LRIG1: variants seen among roughly 807,000 people sequenced by gnomAD.
LRIG1 encodes leucine rich repeats and immunoglobulin like domains 1, also known as leucine-rich repeats and immunoglobulin-like domains protein 1.
LRIG1 carries 48 observed loss-of-function variants against 99.2 expected under a neutral mutation model. The observed-to-expected ratio is 0.48, with a 90% confidence interval of 0.38 to 0.62. The LOEUF (loss-of-function observed/expected upper bound fraction) is 0.62, where lower values mean the gene tolerates loss of function less well. Ranked by LOEUF, LRIG1 falls within the 20% of genes least tolerant of loss-of-function variation. The pLI, the probability that LRIG1 is intolerant of heterozygous loss-of-function variation, is 0.00. For synonymous variants in LRIG1, 772 were observed against 596.1 expected, an observed-to-expected ratio of 1.29 and a Z score of -4.30; for missense variants, 1,646 against 1,434.4, an observed-to-expected ratio of 1.15 and a Z score of -2.38.
chr3:66,438,225 G>A (rs139045706), intron 3 of LRIG1, among the ~76,000 whole-genome samples: 8 of 152,206 alleles, frequency 5.3e-5, no homozygotes, highest in Middle Eastern at 6.8e-3. Context: ...CCCACTCCAC[G>A]CAGACTCTGC....
intron 5 of LRIG1, among the ~76,000 whole-genome samples, chr3:66,413,355 G>T (rs570122755): frequency 1.3e-5 from 2 of 152,356 alleles, no homozygotes; most frequent in South Asian, 4.1e-4. Context: ...CTGCAGTGAG[G>T]ACGTGGGTAT....
chr3:66,394,251 G>A, intron 11 of LRIG1, 48 bp from the exon 12 acceptor site: 1 of 1,490,070 alleles, frequency 6.7e-7, no homozygotes, highest in Non-Finnish European at 9.0e-7. Flanking sequence ...CGCAAAGGAG[G>A]GACACTCCCT....
rs114531550 is a variant in LRIG1, at chr3:66,409,549, G to T, written c.935+580C>A. On this transcript the variant is annotated intron_variant, in intron 7 of 18. Coordinates refer to ENST00000273261, the MANE Select transcript of LRIG1 (RefSeq NM_015541.3). Reference sequence around the variant, plus strand: ...ACATCTCTGAACTAAGCACGCACACGACTGCACAGGAGCCTCTGCCAGCAG... The same window carrying T: ...ACATCTCTGAACTAAGCACGCACACTACTGCACAGGAGCCTCTGCCAGCAG... Among the ~76,000 whole-genome samples, 8 of 152,340 alleles carry T rather than the reference G, an allele frequency of 5.3e-5. No homozygotes were observed. The East Asian group carries it at 1.4e-3, about 26-fold the overall frequency.
Position 66,493,026 on chromosome 3 carries a change from A to G in LRIG1, c.218+7164T>C, listed in dbSNP as rs951403933. ...TACTATGCAATTCCAAACAGACCAA[A>G]ACAAATGAAAAATGTTCTTTGCATA... is the stretch of plus-strand genomic sequence containing the variant. On this transcript the variant is annotated intron_variant, in intron 1 of 18. Coordinates refer to ENST00000273261, the MANE Select transcript of LRIG1 (RefSeq NM_015541.3). 2.0e-5 allele frequency among the ~76,000 whole-genome samples: 3 copies of G among 152,148 alleles called. No individual in the cohort carries two copies. In the East Asian group the frequency reaches 5.8e-4, roughly 29 times the overall value.
intron 3 of LRIG1, among the ~76,000 whole-genome samples, chr3:66,421,447 G>T (rs966113856): frequency 7.2e-5 from 11 of 152,210 alleles, no homozygotes; most frequent in African/African-American, 2.6e-4. Context: ...AAAACAAAGG[G>T]GCTACAGGCT....
At chr3:66,473,024 C>T (rs1700639177) in intron 1 of LRIG1, among the ~76,000 whole-genome samples, 2 of 152,084 alleles carry the variant, frequency 1.3e-5, no homozygotes, top group South Asian at 4.1e-4. Context: ...TGGTGACTCA[C>T]TTCTGGACGT....
At chr3:66,404,579 T>G (rs1270271478) in intron 9 of LRIG1, 1 of 178,734 alleles carries the variant, frequency 5.6e-6, no homozygotes, top group East Asian at 1.9e-4. Context: ...CGAAATCCCC[T>G]CACTTCTCTT....
chr3:66,407,530 G>A, intron 7 of LRIG1, 39 bp from the exon 8 acceptor site: 3 of 1,606,226 alleles, frequency 1.9e-6, no homozygotes, highest in Middle Eastern at 3.4e-4. Flanking sequence ...CATCTAGTGT[G>A]GTTGCCCCCC....
In LRIG1 at chr3:66,386,113, C is replaced by A. The variant is rs77775448; in HGVS notation, c.1657G>T (p.Gly553Trp). The A allele has an allele frequency of 6.2e-7, 1 of 1,614,130 alleles. No homozygotes were observed. Among genetic ancestry groups the A allele is most frequent in the Non-Finnish European group, 8.5e-7 (1 of 1,180,024 alleles). ...ENFVHVHAQD[G>W]EVMEYTTILH... is the part of the protein sequence containing the mutation. ...ATGGTGGTGTACTCCATCACTTCCCCGTCCTGCGCGTGGACGTGGACAAAG... is the reference window on the plus strand; with the variant it reads ...ATGGTGGTGTACTCCATCACTTCCCAGTCCTGCGCGTGGACGTGGACAAAG... The change falls in exon 13 of 19, where the codon GGG becomes TGG. Residue 553 changes from glycine to tryptophan, a missense_variant. By Grantham distance (184) the Gly-to-Trp change is radical. Transcript: ENST00000273261.
rs1040109367 is a variant in LRIG1 at position 66,386,273 on chromosome 3, G to A, written c.1497C>T (p.Thr499=). 6.2e-7 allele frequency: 1 copy of A among 1,614,058 alleles called. No individual in the cohort carries two copies. Among genetic ancestry groups the A allele is most frequent in the African/African-American group, 1.3e-5 (1 of 75,010 alleles). ...CDDFLKPQII[T]QPETTMAMVG... ...CCATAGCCATGGTGGTTTCTGGCTG[G>A]GTGATGATCTGTGGCTTCAGGAAGT... is the stretch of plus-strand genomic sequence containing the variant. The change falls in exon 13 of 19, where the codon ACC becomes ACT. Residue 499 remains threonine, a synonymous_variant. Coordinates refer to ENST00000273261, the MANE Select transcript of LRIG1 (RefSeq NM_015541.3).
Position 66,458,381 on chromosome 3 carries a change from AGAAAATGTTTTAAGGGGCTGGGTG to A in LRIG1, c.290+4033_290+4056del, listed in dbSNP as rs567080500. ...CACCCAGCTGAGAAAATGCTTACAA[AGAAAATGTTTTAAGGGGCTGGGTG>A]GAAAATGTTTTAAGGGGCTGGGTGT... is the stretch of plus-strand genomic sequence containing the variant. On this transcript the variant is annotated intron_variant, in intron 2 of 18. Coordinates refer to ENST00000273261, the MANE Select transcript of LRIG1 (RefSeq NM_015541.3). Among the ~76,000 whole-genome samples the A allele has an allele frequency of 3.1e-3, 478 of 152,270 alleles. 3 individuals are homozygous for A. The highest frequency in any genetic ancestry group is 0.01 in the African/African-American group (421 of 41,554).
At chr3:66,452,741 TAGG>T (rs1703948373) in intron 2 of LRIG1, among the ~76,000 whole-genome samples, 1 of 150,740 alleles carries the variant, frequency 6.6e-6, no homozygotes, top group African/African-American at 2.4e-5. Flanking sequence ...TAGAAGTGAA[TAGG>T]AGAAGGAAAA....
chr3:66,462,301 C>A, intron 2 of LRIG1, 137 bp downstream of exon 2: 1 of 676,466 alleles, frequency 1.5e-6, no homozygotes, highest in Non-Finnish European at 2.7e-6. Context: ...AATTCATCAA[C>A]ACAGTCCATA....
At chr3:66,386,439 C>T in intron 12 of LRIG1, 138 bp from the exon 13 acceptor site, 1 of 691,066 alleles carries the variant, frequency 1.4e-6, no homozygotes, top group Non-Finnish European at 2.5e-6. Flanking sequence ...CTCAGCCCCA[C>T]CAACCAGATG....
At position 66,392,893 on chromosome 3, in the gene LRIG1, G is replaced by A. The variant is rs571911270; in HGVS notation, c.1468+1147C>T. ...TTTTGTGCCTGGATAATGGAGCTGT[G>A]CGAGCATTAGATTCCACACAGAAGG... On this transcript the variant is annotated intron_variant, in intron 12 of 18. Transcript: ENST00000273261. 8.5e-5 allele frequency among the ~76,000 whole-genome samples: 13 copies of A among 152,324 alleles called. No homozygotes were observed. The South Asian group carries it at 2.3e-3, about 27-fold the overall frequency.
At chr3:66,420,613 G>C (rs942937039) in intron 3 of LRIG1, among the ~76,000 whole-genome samples, 3 of 152,210 alleles carry the variant, frequency 2.0e-5, no homozygotes, top group Admixed American at 1.3e-4. Context: ...GCCTTAAAAA[G>C]AAAAGAAATT....
At chr3:66,382,916 C>T in intron 15 of LRIG1, 66 bp downstream of exon 15, 2 of 1,466,848 alleles carry the variant, frequency 1.4e-6, no homozygotes, top group Non-Finnish European at 1.8e-6. Flanking sequence ...TGGAACCCGG[C>T]CCAGTTCCCC....
intron 8 of LRIG1, chr3:66,406,064 T>TG (rs1266935315): frequency 1.6e-5 from 16 of 986,420 alleles, no homozygotes; most frequent in Non-Finnish European, 1.9e-5. Flanking sequence ...CCCGAGCCCT[T>TG]GCAGACACAG....
At chr3:66,484,389 T>C (rs1317704494) in intron 1 of LRIG1, among the ~76,000 whole-genome samples, 1 of 152,156 alleles carries the variant, frequency 6.6e-6, no homozygotes, top group Non-Finnish European at 1.5e-5. Context: ...GCTTACAGAC[T>C]AATGGGGTAG....
Sources: gnomAD v4.1 joint callset for allele counts (sites outside exome capture counted in the v4.1 genomes callset) on GRCh38, gnomAD v4.1.1 for gene constraint, MANE v1.5 for transcripts, NCBI Gene and HGNC (gene_info 2026-07-23, HGNC 2026-07-21) for gene names.